Variants in ELP4 observed in about 807,000 individuals in gnomAD.
ELP4 encodes elongator acetyltransferase complex subunit 4.
A neutral mutation model predicts 48.9 loss-of-function variants in ELP4; 51 were observed. The observed-to-expected ratio is 1.04, with a 90% confidence interval of 0.83 to 1.32. ELP4 has a LOEUF of 1.32. ELP4 is among the 40% of genes most tolerant of loss of function. The pLI, the probability that ELP4 is intolerant of heterozygous loss-of-function variation, is 0.00. For missense variants in ELP4, 519 were observed against 514.6 expected, an observed-to-expected ratio of 1.01 and a Z score of -0.08; for synonymous variants, 210 against 189.2, an observed-to-expected ratio of 1.11 and a Z score of -0.90.
At chr11:31,635,980 CTT>C (rs1255951456) in intron 7 of ELP4, among the ~76,000 whole-genome samples, 2 of 151,990 alleles carry the variant, frequency 1.3e-5, no homozygotes, top group Non-Finnish European at 2.9e-5. Context: ...TAACAAGACT[CTT>C]TAAACATCAT....
At chr11:31,692,507 G>A (rs980271387) in intron 9 of ELP4, among the ~76,000 whole-genome samples, 45 of 152,152 alleles carry the variant, frequency 3.0e-4, no homozygotes, top group African/African-American at 1.0e-3. Context: ...AGAAAAGTAC[G>A]CCATCAATTT....
chr11:31,668,546 A>T (rs1945728103), intron 9 of ELP4, among the ~76,000 whole-genome samples: 1 of 151,400 alleles, frequency 6.6e-6, no homozygotes. Flanking sequence ...GGCTTGACTC[A>T]AACTCCTGGG....
At chr11:31,625,598 A>C (rs966590912) in intron 5 of ELP4, among the ~76,000 whole-genome samples, 3 of 151,860 alleles carry the variant, frequency 2.0e-5, no homozygotes, top group African/African-American at 7.2e-5. Context: ...ATATGAAATA[A>C]TAAGGGTTTG....
intron 5 of ELP4, among the ~76,000 whole-genome samples, chr11:31,619,713 C>G (rs535689465): frequency 6.8e-4 from 103 of 151,302 alleles, no homozygotes; most frequent in African/African-American, 2.4e-3. Flanking sequence ...AGGTTTGTTA[C>G]ATAAGCAAAC....
intron 9 of ELP4, chr11:31,663,949 A>T (rs1160658956): frequency 6.6e-6 from 1 of 152,082 alleles, no homozygotes; most frequent in East Asian, 1.9e-4. Context: ...CCATTTGAAA[A>T]TTATTTTTAA....
chr11:31,646,278 A>C (rs1030008060), intron 7 of ELP4: 3 of 151,824 alleles, frequency 2.0e-5, no homozygotes, highest in Non-Finnish European at 1.5e-5. Flanking sequence ...AATTATTTTT[A>C]CTGATTCTTT....
chr11:31,669,499 A>G (rs1945760083), intron 9 of ELP4, among the ~76,000 whole-genome samples: 2 of 152,184 alleles, frequency 1.3e-5, no homozygotes, highest in Non-Finnish European at 1.5e-5. Flanking sequence ...TGATTCTTCA[A>G]GACTAGGTTA....
chr11:31,520,253 T>C (rs1453117003), intron 2 of ELP4, among the ~76,000 whole-genome samples, 162 bp downstream of exon 2: 1 of 152,228 alleles, frequency 6.6e-6, no homozygotes, highest in Admixed American at 6.5e-5. Context: ...AATTCTAATG[T>C]TGAGCTGAAC....
chr11:31,627,475 G>C (rs1565086289), intron 6 of ELP4, among the ~76,000 whole-genome samples: 1 of 151,952 alleles, frequency 6.6e-6, no homozygotes, highest in Non-Finnish European at 1.5e-5. Flanking sequence ...GGATTAAGTA[G>C]CTGCATTTTG....
intron 5 of ELP4, among the ~76,000 whole-genome samples, chr11:31,622,407 C>T (rs753079296): frequency 1.3e-5 from 2 of 151,336 alleles, no homozygotes; most frequent in South Asian, 4.2e-4. Context: ...TTAAGTGTTT[C>T]TTTGAGGACT....
At chr11:31,764,817 GT>G (rs1428729271) in intron 9 of ELP4, among the ~76,000 whole-genome samples, 2 of 152,140 alleles carry the variant, frequency 1.3e-5, no homozygotes, top group African/African-American at 2.4e-5. Context: ...CTCCCCACAG[GT>G]GTCGGTTTTA....
chr11:31,537,625 G>A (rs1441158708), intron 2 of ELP4, among the ~76,000 whole-genome samples: 2 of 152,124 alleles, frequency 1.3e-5, no homozygotes, highest in African/African-American at 2.4e-5. Context: ...GCAAAGGGGA[G>A]GCAGGCACAT....
chr11:31,639,654 C>T (rs1309223875), intron 7 of ELP4, among the ~76,000 whole-genome samples: 1 of 149,842 alleles, frequency 6.7e-6, no homozygotes, highest in Non-Finnish European at 1.5e-5. Flanking sequence ...ATAACTTTGT[C>T]TTTGTGTAAA....
At chr11:31,618,570 C>G (rs1304088372) in intron 5 of ELP4, among the ~76,000 whole-genome samples, 1 of 152,042 alleles carries the variant, frequency 6.6e-6, no homozygotes, top group Non-Finnish European at 1.5e-5. Flanking sequence ...AATACGGTAA[C>G]AATGGCAACT....
intron 9 of ELP4, among the ~76,000 whole-genome samples, chr11:31,699,599 G>T (rs899793403): frequency 3.3e-5 from 5 of 152,150 alleles, no homozygotes; most frequent in Non-Finnish European, 2.9e-5. Flanking sequence ...TGGAGACTGA[G>T]GCCTGGCTTG....
chr11:31,742,433 C>G lies in ELP4; in HGVS notation c.1144-40960C>G, dbSNP rs1349947236. On this transcript the variant is annotated intron_variant, in intron 9 of 9. Transcript: ENST00000640961. ...ACTCCTTCAGAAGAGCAGTATGTCT[C>G]AAGACACATAATTGTCAGATTCATC... 2.0e-5 allele frequency among the ~76,000 whole-genome samples: 3 copies of G among 152,164 alleles called. No homozygotes were observed. The East Asian group carries it at 5.8e-4, about 29-fold the overall frequency.
At chr11:31,740,086 C>G (rs1297624880) in intron 9 of ELP4, among the ~76,000 whole-genome samples, 1 of 152,182 alleles carries the variant, frequency 6.6e-6, no homozygotes, top group Middle Eastern at 3.2e-3. Context: ...GTTGAAAAAA[C>G]TATATAGCAA....
rs951529406 is a variant in ELP4, at chr11:31,753,395, A to T, written c.1144-29998A>T. On this transcript the variant is annotated intron_variant, in intron 9 of 9. Coordinates refer to ENST00000640961, the MANE Select transcript of ELP4 (RefSeq NM_019040.5). ...ACCTCCTCAGGGCCTTGATATTGCT[A>T]TTCCCTCTGCCTAGGACAATGCAAA... Among the ~76,000 whole-genome samples the T allele has an allele frequency of 2.0e-5, 3 of 152,212 alleles. No individual in the cohort carries two copies. In the East Asian group the frequency reaches 5.8e-4, roughly 29 times the overall value.
chr11:31,604,711 T>G (rs1049222237), intron 5 of ELP4, among the ~76,000 whole-genome samples: 4 of 151,918 alleles, frequency 2.6e-5, no homozygotes, highest in Admixed American at 6.6e-5. Flanking sequence ...GACTTAAAAT[T>G]TATAGTCTCT....
Sources: allele counts gnomAD v4.1 joint callset (sites outside exome capture counted in the v4.1 genomes callset), GRCh38; gene constraint gnomAD v4.1.1; transcripts MANE v1.5; gene names NCBI Gene and HGNC (gene_info 2026-07-23, HGNC 2026-07-21).